FTO: variants seen among roughly 807,000 people sequenced by gnomAD.
The protein encoded by FTO is FTO alpha-ketoglutarate dependent dioxygenase, also known as alpha-ketoglutarate-dependent dioxygenase FTO.
FTO carries 47 observed loss-of-function variants against 63.9 expected under a neutral mutation model. The observed-to-expected ratio is 0.74, with a 90% CI of 0.58 to 0.94. The LOEUF is 0.94. Ranked by LOEUF, FTO falls within the 40% of genes least tolerant of loss-of-function variation. The pLI is 0.00. For missense variants in FTO, 562 were observed against 618.1 expected (o/e 0.91, Z 0.96); for synonymous variants, 207 against 224.4 (o/e 0.92, Z 0.69).
chr16:54,100,740 G>A (rs942839422), intron 8 of FTO, among the ~76,000 whole-genome samples: 2 of 152,134 alleles, frequency 1.3e-5, no homozygotes, highest in Non-Finnish European at 2.9e-5. Flanking sequence ...TTGGCATGAG[G>A]TACAATGTCT....
intron 8 of FTO, among the ~76,000 whole-genome samples, chr16:54,056,175 TTAAGC>T (rs1295577859): frequency 4.6e-5 from 7 of 152,228 alleles, no homozygotes; most frequent in Admixed American, 3.9e-4. Flanking sequence ...TTTAAATATC[TTAAGC>T]TAAGGGTGCT....
chr16:53,835,543 T>C (rs547576191), intron 3 of FTO, among the ~76,000 whole-genome samples: 1 of 152,346 alleles, frequency 6.6e-6, no homozygotes, highest in South Asian at 2.1e-4. Flanking sequence ...TCTTTTATCT[T>C]ACAGTGTTCA....
At chr16:53,886,944 G>A (rs1252212614) in intron 6 of FTO, 1 of 152,178 alleles carries the variant, frequency 6.6e-6, no homozygotes, top group Non-Finnish European at 1.5e-5. Context: ...CGTTTCTTTA[G>A]CGGGCAGTGG....
At chr16:53,861,273 T>A (rs1353603617) in intron 4 of FTO, among the ~76,000 whole-genome samples, 1 of 152,226 alleles carries the variant, frequency 6.6e-6, no homozygotes, top group South Asian at 2.1e-4. Flanking sequence ...TTTTCATTCC[T>A]ACCTGCAATG....
chr16:53,991,557 T>G (rs1285215126), intron 8 of FTO: 1 of 152,198 alleles, frequency 6.6e-6, no homozygotes, highest in African/African-American at 2.4e-5. Context: ...CAAAACAGCT[T>G]TAACACAATT....
At chr16:53,803,714 G>A (rs1461226297) in intron 1 of FTO, among the ~76,000 whole-genome samples, 2 of 152,082 alleles carry the variant, frequency 1.3e-5, no homozygotes, top group African/African-American at 4.8e-5. Context: ...ATAGTCTCTT[G>A]CCAGTCACTT....
intron 8 of FTO, among the ~76,000 whole-genome samples, chr16:53,943,976 C>T (rs1395537247): frequency 6.6e-6 from 1 of 152,164 alleles, no homozygotes; most frequent in Admixed American, 6.5e-5. Context: ...TAAATTCAGG[C>T]CACATTATAT....
At chr16:53,711,403 G>A (rs527295438) in intron 1 of FTO, 10 of 398,562 alleles carry the variant, frequency 2.5e-5, no homozygotes, top group South Asian at 1.3e-4. Flanking sequence ...CTCAGCACCA[G>A]GGTAAAGATG....
At chr16:54,048,783 C>T (rs1027619665) in intron 8 of FTO, among the ~76,000 whole-genome samples, 1 of 152,196 alleles carries the variant, frequency 6.6e-6, no homozygotes, top group Non-Finnish European at 1.5e-5. Context: ...TCCGAGTTGA[C>T]ATCTTCTTCT....
chr16:53,816,506 C>G (rs572724934), intron 2 of FTO, among the ~76,000 whole-genome samples: 60 of 135,340 alleles, frequency 4.4e-4, no homozygotes, highest in African/African-American at 1.5e-3. Flanking sequence ...CCCACCCCCC[C>G]TCACACTTTT....
intron 2 of FTO, among the ~76,000 whole-genome samples, chr16:53,823,737 T>C (rs1433449050): frequency 6.6e-6 from 1 of 152,064 alleles, no homozygotes; most frequent in East Asian, 1.9e-4. Context: ...AAATACAAAA[T>C]TAGCCAGGTG....
chr16:53,773,205 G>A (rs1277045939), intron 1 of FTO, among the ~76,000 whole-genome samples: 2 of 151,830 alleles, frequency 1.3e-5, no homozygotes, highest in Non-Finnish European at 2.9e-5. Context: ...TTAAAAAAAA[G>A]CAAGCATTTA....
chr16:54,006,961 C>T (rs2084221148), intron 8 of FTO, among the ~76,000 whole-genome samples: 1 of 152,140 alleles, frequency 6.6e-6, no homozygotes, highest in African/African-American at 2.4e-5. Flanking sequence ...TTTGGGTGAG[C>T]CAGACTTTGG....
At chr16:53,943,891 A>G (rs75686250) in intron 8 of FTO, among the ~76,000 whole-genome samples, 4,556 of 152,238 alleles carry the variant, frequency 0.03, 96 homozygotes, top group Non-Finnish European at 0.045. Flanking sequence ...TTCTCCTTCA[A>G]TTATCCGTAC....
chr16:53,911,166 T>A, intron 7 of FTO: 1 of 550,960 alleles, frequency 1.8e-6, no homozygotes, highest in South Asian at 2.5e-5. Flanking sequence ...TTCTCTCATA[T>A]GTTAACTCAG....
chr16:53,846,137 T>TTTTTTTTTTTTTTTTTTTTTGA (rs1272760672), intron 4 of FTO, among the ~76,000 whole-genome samples: 1 of 152,202 alleles, frequency 6.6e-6, no homozygotes, highest in African/African-American at 2.4e-5. Context: ...AGGCATCTTA[T>TTTTTTTTTTTTTTTTTTTTTGA]GCAGTGCTTT....
chr16:53,934,181 A>G (rs908506876), intron 8 of FTO, 72 bp downstream of exon 8: 34 of 1,530,672 alleles, frequency 2.2e-5, no homozygotes, highest in Admixed American at 3.4e-5. Context: ...GCCCTTCCTT[A>G]TGGCTGGCCT....
At chr16:54,072,692 C>A (rs1303270446) in intron 8 of FTO, among the ~76,000 whole-genome samples, 1 of 152,094 alleles carries the variant, frequency 6.6e-6, no homozygotes, top group Non-Finnish European at 1.5e-5. Context: ...GTGTTCCTTT[C>A]CCCAGGCTGT....
rs112684078 is a variant in FTO at position 54,086,596 on chromosome 16, C to T, written c.1365-25166C>T. On this transcript the variant is annotated intron_variant, in intron 8 of 8. Transcript: ENST00000471389. ...ATCTGCATTGTCTTCCCAACTAAGT[C>T]CCAACCCATTTGTATTAACCTTTGC... Among the ~76,000 whole-genome samples, 634 of 152,280 alleles carry T rather than the reference C, an allele frequency of 4.2e-3. 4 individuals are homozygous for T. Among genetic ancestry groups the T allele is most frequent in the African/African-American group, 0.014 (602 of 41,546 alleles).
Sources: allele counts gnomAD v4.1 joint callset (sites outside exome capture counted in the v4.1 genomes callset), GRCh38; gene constraint gnomAD v4.1.1; transcripts MANE v1.5; gene names NCBI Gene and HGNC (gene_info 2026-07-23, HGNC 2026-07-21).